Variants in ITGA8 observed in about 807,000 individuals in gnomAD.
ITGA8 encodes integrin subunit alpha 8, also known as integrin alpha-8.
A neutral mutation model predicts 142.3 loss-of-function variants in ITGA8; 91 were observed. The ratio of observed to expected loss-of-function variants is 0.64; its 90% CI spans 0.54 to 0.76. The LOEUF (loss-of-function observed/expected upper bound fraction) is 0.76, where lower values mean the gene tolerates loss of function less well. ITGA8 is among the 30% of genes least tolerant of loss of function. The pLI is 0.00. For missense variants in ITGA8, 1,406 were observed against 1,327.7 expected (o/e 1.06, Z -0.92); for synonymous variants, 505 against 485.2 (o/e 1.04, Z -0.54).
At chr10:15,684,710 G>A (rs1438197459) in intron 3 of ITGA8, among the ~76,000 whole-genome samples, 1 of 151,720 alleles carries the variant, frequency 6.6e-6, no homozygotes, top group African/African-American at 2.4e-5. Context: ...GCCCGAAGAA[G>A]CAAGCAGAAA....
At chr10:15,669,393 C>T (rs1370627669) in intron 8 of ITGA8, among the ~76,000 whole-genome samples, 2 of 152,180 alleles carry the variant, frequency 1.3e-5, no homozygotes. Flanking sequence ...GACTTTTCTT[C>T]ATTGGTTATT....
intron 28 of ITGA8, among the ~76,000 whole-genome samples, chr10:15,526,372 T>C (rs963465612): frequency 2.6e-5 from 4 of 152,104 alleles, no homozygotes. Context: ...GATGAACTTT[T>C]ACCATGTTGG....
rs1175031530 is a variant in ITGA8 at position 15,575,150 on chromosome 10, T to C, written c.2478+339A>G. On this transcript the variant is annotated intron_variant, in intron 24 of 29. Coordinates refer to ENST00000378076, the MANE Select transcript of ITGA8 (RefSeq NM_003638.3). ...TCTACTGTAGTTATAGCACTGTGAGTGGCTCAGGTGGGTGGATCACTTGAG... is the reference window on the plus strand; with the variant it reads ...TCTACTGTAGTTATAGCACTGTGAGCGGCTCAGGTGGGTGGATCACTTGAG... Among the ~76,000 whole-genome samples, 3 of 151,948 alleles carry C rather than the reference T, an allele frequency of 2.0e-5. No individual in the cohort carries two copies. In the East Asian group the frequency reaches 5.8e-4, roughly 29 times the overall value.
chr10:15,695,308 C>A (rs1835030609), intron 2 of ITGA8, among the ~76,000 whole-genome samples: 1 of 152,172 alleles, frequency 6.6e-6, no homozygotes, highest in Non-Finnish European at 1.5e-5. Context: ...GTCCTCCTCT[C>A]ATTGACCTTT....
At chr10:15,681,312 T>G (rs948079496) in intron 4 of ITGA8, among the ~76,000 whole-genome samples, 5 of 152,198 alleles carry the variant, frequency 3.3e-5, no homozygotes, top group African/African-American at 9.7e-5. Context: ...ACGGGAAGTC[T>G]GCTTCTTGGA....
intron 26 of ITGA8, among the ~76,000 whole-genome samples, chr10:15,554,747 CT>C (rs779236255): frequency 1.2e-4 from 13 of 109,558 alleles, no homozygotes; most frequent in Admixed American, 1.7e-4. Context: ...TTCTTTCTTT[CT>C]TTTTTTTTTA....
chr10:15,536,173 C>G (rs1331049621), intron 27 of ITGA8, among the ~76,000 whole-genome samples: 1 of 152,142 alleles, frequency 6.6e-6, no homozygotes, highest in Non-Finnish European at 1.5e-5. Context: ...GACCAAGAAC[C>G]CACCAATTCC....
intron 24 of ITGA8, among the ~76,000 whole-genome samples, chr10:15,573,426 C>CT (rs1834224584): frequency 7.3e-6 from 1 of 137,834 alleles, no homozygotes; most frequent in Non-Finnish European, 1.6e-5. Flanking sequence ...TTTTTTTTTT[C>CT]TTTTTTCCAG....
rs1184981560 is a variant in ITGA8 at position 15,597,200 on chromosome 10, C to G, written c.2211+7G>C. 6.2e-7 allele frequency: 1 copy of G among 1,605,144 alleles called. No homozygotes were observed. On this transcript the variant is annotated splice_region_variant and intron_variant, in intron 21 of 29. Transcript: ENST00000378076. ...GAAATCAGTCAGTATTTCTGGTTCT[C>G]TCTTACATTTGTTCCAGACACCATA...
Position 15,516,009 on chromosome 10 carries a change from T to C in ITGA8, c.*1149A>G, listed in dbSNP as rs1832956389. The C allele has an allele frequency of 3.9e-5, 6 of 152,206 alleles. No individual in the cohort carries two copies. The highest frequency in any genetic ancestry group is 3.9e-4 in the Admixed American group (6 of 15,278). 9.4% of individuals were successfully genotyped at this position (152,206 alleles called of 1,614,324 possible). A position where few individuals can be genotyped will look rare whatever the true frequency, so the allele number is the denominator to read the frequency against. The stretch of plus-strand genomic sequence containing the variant: ...GGCTCATGCCTGTATAATTTTATGT[T>C]TTTGTCTAAGTTATATTCAACATGT... On this transcript the variant is annotated 3_prime_UTR_variant, in exon 30 of 30. Coordinates refer to ENST00000378076, the MANE Select transcript of ITGA8 (RefSeq NM_003638.3).
At chr10:15,607,550 C>G (rs191532005) in intron 17 of ITGA8, 127 bp downstream of exon 17, 3 of 865,168 alleles carry the variant, frequency 3.5e-6, no homozygotes, top group Non-Finnish European at 5.6e-6. Context: ...AATAAAGTTT[C>G]CTGCTATGAA....
At position 15,644,233 on chromosome 10, in the gene ITGA8, C is replaced by A. The variant is rs763224353; in HGVS notation, c.1208-12G>T. 1.2e-6 allele frequency: 2 copies of A among 1,610,224 alleles called. No homozygotes were observed. The highest frequency in any genetic ancestry group is 2.2e-5 in the South Asian group (2 of 90,826). Reference sequence around the variant, plus strand: ...TCCGATGGCAATGTCTAAAAACAGACATAAAACATGTTTTATGTGTATATG... The same window carrying A: ...TCCGATGGCAATGTCTAAAAACAGAAATAAAACATGTTTTATGTGTATATG... On this transcript the variant is annotated splice_polypyrimidine_tract_variant and intron_variant, in intron 12 of 29. Coordinates refer to ENST00000378076, the MANE Select transcript of ITGA8 (RefSeq NM_003638.3).
intron 25 of ITGA8, among the ~76,000 whole-genome samples, chr10:15,558,849 G>A (rs544864216): frequency 1.3e-5 from 2 of 152,258 alleles, no homozygotes; most frequent in Admixed American, 6.5e-5. Flanking sequence ...CAGGTTCCAT[G>A]CTGGGTCCAT....
At chr10:15,518,272 ATTGAG>A (rs1177865758) in intron 29 of ITGA8, among the ~76,000 whole-genome samples, 2 of 152,222 alleles carry the variant, frequency 1.3e-5, no homozygotes, top group African/African-American at 4.8e-5. Context: ...GCTTAGAGAC[ATTGAG>A]TCATCTCTCT....
chr10:15,613,137 G>A (rs546532491), intron 15 of ITGA8, among the ~76,000 whole-genome samples: 98 of 150,938 alleles, frequency 6.5e-4, no homozygotes, highest in Non-Finnish European at 1.0e-3. Context: ...CTCCAGCCTG[G>A]GTGACAAAGC....
chr10:15,541,957 T>G (rs1833577360), intron 27 of ITGA8, among the ~76,000 whole-genome samples: 1 of 152,194 alleles, frequency 6.6e-6, no homozygotes, highest in Non-Finnish European at 1.5e-5. Flanking sequence ...CACCTCGTTT[T>G]GCTGTCTTTG....
At chr10:15,543,692 G>A (rs999608773) in intron 27 of ITGA8, among the ~76,000 whole-genome samples, 11 of 152,276 alleles carry the variant, frequency 7.2e-5, no homozygotes, top group African/African-American at 2.6e-4. Flanking sequence ...ATAGAGTCAG[G>A]CTTTGTTAGT....
chr10:15,584,908 T>C (rs535802827), intron 23 of ITGA8, among the ~76,000 whole-genome samples: 4 of 152,124 alleles, frequency 2.6e-5, no homozygotes, highest in African/African-American at 9.6e-5. Flanking sequence ...AATACAAAAA[T>C]TAGCCGGGCG....
At chr10:15,658,948 C>G in intron 10 of ITGA8, 51 bp downstream of exon 10, 1 of 1,166,772 alleles carries the variant, frequency 8.6e-7, no homozygotes, top group Non-Finnish European at 1.3e-6. Flanking sequence ...ATATTATAGT[C>G]TACTGGTAAC....
Sources: gnomAD v4.1 joint callset for allele counts (sites outside exome capture counted in the v4.1 genomes callset) on GRCh38, gnomAD v4.1.1 for gene constraint, MANE v1.5 for transcripts, NCBI Gene and HGNC (gene_info 2026-07-23, HGNC 2026-07-21) for gene names.